Variants in CDKN2B observed in about 807,000 individuals in gnomAD.
CDKN2B encodes the protein cyclin-dependent kinase 4 inhibitor B.
Under a neutral mutation model 7.7 loss-of-function variants are expected in CDKN2B, and 8 were observed. The observed-to-expected ratio is 1.04, with a 90% CI of 0.61 to 1.87. CDKN2B has a LOEUF of 1.87. CDKN2B is among the 40% of genes most tolerant of loss of function. CDKN2B has a pLI of 0.00. For missense variants in CDKN2B, 244 were observed against 213.1 expected, an observed-to-expected ratio of 1.15 and a Z score of -0.90; for synonymous variants, 93 against 95.8, an observed-to-expected ratio of 0.97 and a Z score of 0.17.
In CDKN2B at chr9:22,005,405, A is replaced by G. The variant is rs1821122365; in HGVS notation, c.*582T>C. ...GGCTTCCAGAGAGTGTCGTTTACGC[A>G]TGTGACTTGCCATGCGCTCAAACTA... On this transcript the variant is annotated 3_prime_UTR_variant, in exon 2 of 2. Transcript: ENST00000276925. This position sits in a 1 kb window ranked among gnomAD's most constrained non-coding sequence, Gnocchi z 4.9. 4.1e-6 allele frequency: 1 copy of G among 246,216 alleles called. No homozygotes were observed. Among genetic ancestry groups the G allele is most frequent in the Non-Finnish European group, 7.9e-6 (1 of 125,870 alleles). The allele number at this position is 246,216 out of a possible 1,614,324, so 15.3% of individuals were successfully genotyped here.
At position 22,006,004 on chromosome 9, in the gene CDKN2B, T is replaced by TG; in HGVS notation, c.399dup (p.Thr134HisfsTer29). On this transcript the variant is annotated frameshift_variant, in exon 2 of 2. Transcript: ENST00000276925. LOFTEE classifies it high-confidence loss of function. This position sits in a 1 kb window ranked among gnomAD's most constrained non-coding sequence, Gnocchi z 6.4. ...ACCTGGCGTCAGTCCCCCGTGGCTG[T>TG]GCGCAGGTACCCTGCAACGTCGCGG... 2 of 1,603,102 alleles carry TG rather than the reference T, an allele frequency of 1.2e-6. No individual in the cohort carries two copies. The highest frequency in any genetic ancestry group is 1.7e-6 in the Non-Finnish European group (2 of 1,179,784).
intron 1 of CDKN2B, 75 bp downstream of exon 1, chr9:22,008,723 T>C (rs1259633269): frequency 6.2e-7 from 1 of 1,611,020 alleles, no homozygotes; most frequent in African/African-American, 1.3e-5. Context: ...CGATCTAGGT[T>C]CCAGCCCCGA....
rs777650997 is a variant in CDKN2B at position 22,006,178 on chromosome 9, C to G, written c.226G>C (p.Asp76His). 2 of 1,609,894 alleles carry G rather than the reference C, an allele frequency of 1.2e-6. No individual in the cohort carries two copies. Among genetic ancestry groups the G allele is most frequent in the South Asian group, 2.2e-5 (2 of 91,014 alleles). Reference protein sequence around the residue: ...LLHGAEPNCADPATLTRPVHD... With the variant: ...LLHGAEPNCAHPATLTRPVHD... ...ACCGGTCGGGTGAGAGTGGCAGGGT[C>G]TGCGCAGTTGGGCTCCGCGCCGTGG... Residue 76 changes from aspartate to histidine, a missense_variant, in exon 2 of 2, where the codon GAC becomes CAC. By Grantham distance (81) the Asp-to-His change is moderately conservative. Transcript: ENST00000276925. The surrounding 1 kb of genome is among the most constrained non-coding windows in gnomAD (Gnocchi z 6.4).
intron 1 of CDKN2B, 105 bp downstream of exon 1, chr9:22,008,693 C>G (rs756160608): frequency 3.1e-6 from 5 of 1,611,036 alleles, no homozygotes; most frequent in African/African-American, 1.3e-5. Context: ...AACGGAGACT[C>G]CTGTACAAAT....
Position 22,004,293 on chromosome 9 carries a change from C to T in CDKN2B, c.*1694G>A. 1 of 232,444 alleles carries T rather than the reference C, an allele frequency of 4.3e-6. No individual in the cohort carries two copies. Among genetic ancestry groups the T allele is most frequent in the Non-Finnish European group, 8.5e-6 (1 of 117,594 alleles). The allele number at this position is 232,444 out of a possible 1,614,324, so 14.4% of individuals were successfully genotyped here. ...CTCAAATGTACTCCTTCTTATAAGT[C>T]TCCACTCTCAAATGACTTGTTTCTG... On this transcript the variant is annotated 3_prime_UTR_variant, in exon 2 of 2. Transcript: ENST00000276925.
rs1327646429 is a variant in CDKN2B at position 22,006,843 on chromosome 9, A to G, written c.157-596T>C. Among the ~76,000 whole-genome samples the G allele has an allele frequency of 2.0e-5, 3 of 151,952 alleles. No individual in the cohort carries two copies. The highest frequency in any genetic ancestry group is 4.4e-5 in the Non-Finnish European group (3 of 68,002). ...GTGTCTGAGCTCATAACTGGCTTGT[A>G]GTGTGATAATTTGAGCCAAAGTTGG... On this transcript the variant is annotated intron_variant, in intron 1 of 1. Transcript: ENST00000276925. The surrounding 1 kb of genome is among the most constrained non-coding windows in gnomAD (Gnocchi z 6.4).
In CDKN2B at chr9:22,003,983, T is replaced by G. The variant is rs1207259889; in HGVS notation, c.*2004A>C. The G allele has an allele frequency of 4.3e-6, 1 of 232,852 alleles. No homozygotes were observed. The highest frequency in any genetic ancestry group is 6.1e-5 in the East Asian group (1 of 16,468). 14.4% of individuals were successfully genotyped at this position (232,852 alleles called of 1,614,324 possible). The stretch of plus-strand genomic sequence containing the variant: ...AGACAACCATAATCAGCTGTGGAAC[T>G]AGATGCACTTCTTTGTGCATCCATG... On this transcript the variant is annotated 3_prime_UTR_variant, in exon 2 of 2. Coordinates refer to ENST00000276925, the MANE Select transcript of CDKN2B (RefSeq NM_004936.4).
In CDKN2B at chr9:22,006,308, G is replaced by A; in HGVS notation, c.157-61C>T. Reference sequence around the variant, plus strand: ...GGGGCAGGTATGGGAGATGCCGGCCGGGGCAAGGCAGGTGGAGCCATTTAA... The same window carrying A: ...GGGGCAGGTATGGGAGATGCCGGCCAGGGCAAGGCAGGTGGAGCCATTTAA... On this transcript the variant is annotated intron_variant, in intron 1 of 1. Coordinates refer to ENST00000276925, the MANE Select transcript of CDKN2B (RefSeq NM_004936.4). This position sits in a 1 kb window ranked among gnomAD's most constrained non-coding sequence, Gnocchi z 6.4. The A allele has an allele frequency of 2.5e-6, 4 of 1,595,172 alleles. No homozygotes were observed. Among genetic ancestry groups the A allele is most frequent in the Non-Finnish European group, 3.4e-6 (4 of 1,177,614 alleles).
At chr9:22,008,643 G>T in intron 1 of CDKN2B, 155 bp downstream of exon 1, 1 of 1,597,296 alleles carries the variant, frequency 6.3e-7, no homozygotes, top group Non-Finnish European at 8.5e-7. Flanking sequence ...TTTTTGCTGG[G>T]TAAAAGCCTG....
rs749548001 is a variant in CDKN2B, at chr9:22,003,418, A to C, written c.*2569T>G. ...AGTTATTTAAACCAGAAATGAAGTA[A>C]CATGTTTCATATCTATTTCAAGGGA... is the stretch of plus-strand genomic sequence containing the variant. On this transcript the variant is annotated 3_prime_UTR_variant, in exon 2 of 2. Transcript: ENST00000276925. The C allele has an allele frequency of 4.0e-5, 9 of 226,108 alleles. No homozygotes were observed. Among genetic ancestry groups the C allele is most frequent in the Non-Finnish European group, 7.0e-5 (8 of 113,728 alleles). The allele number at this position is 226,108 out of a possible 1,614,324, so 14.0% of individuals were successfully genotyped here.
Position 22,006,119 on chromosome 9 carries a change from C to A in CDKN2B, c.285G>T (p.Thr95=). 1 of 1,610,854 alleles carries A rather than the reference C, an allele frequency of 6.2e-7. No homozygotes were observed. The highest frequency in any genetic ancestry group is 1.1e-5 in the South Asian group (1 of 91,062). The change falls in exon 2 of 2, where the codon ACG becomes ACT. Residue 95 remains threonine (T), a synonymous_variant. Transcript: ENST00000276925. This position sits in a 1 kb window ranked among gnomAD's most constrained non-coding sequence, Gnocchi z 6.4. ...HDAAREGFLD[T]LVVLHRAGAR... ...CCCCGGCCCGGTGCAGCACCACCAG[C>A]GTGTCCAGGAAGCCCTCCCGGGCAG...
chr9:22,004,480 C>A lies in CDKN2B; in HGVS notation c.*1507G>T, dbSNP rs896944527. ...TATTACAAACATTGAGAGAAGGGAA[C>A]CCCTGTGAACCTTTAACATTTCTCA... On this transcript the variant is annotated 3_prime_UTR_variant, in exon 2 of 2. Transcript: ENST00000276925. 9 of 232,506 alleles carry A rather than the reference C, an allele frequency of 3.9e-5. No individual in the cohort carries two copies. The highest frequency in any genetic ancestry group is 2.0e-4 in the African/African-American group (9 of 45,314). 14.4% of individuals were successfully genotyped at this position (232,506 alleles called of 1,614,324 possible).
rs903663778 is a variant in CDKN2B at position 22,006,935 on chromosome 9, T to G, written c.157-688A>C. ...TAAAATTATAATAAATGATTTTTCC[T>G]TAACAGTTCATCATTTTAAATTTAG... On this transcript the variant is annotated intron_variant, in intron 1 of 1. Coordinates refer to ENST00000276925, the MANE Select transcript of CDKN2B (RefSeq NM_004936.4). This position sits in a 1 kb window ranked among gnomAD's most constrained non-coding sequence, Gnocchi z 6.4. 6.6e-5 allele frequency among the ~76,000 whole-genome samples: 10 copies of G among 152,140 alleles called. No homozygotes were observed. Among genetic ancestry groups the G allele is most frequent in the Admixed American group, 5.9e-4 (9 of 15,284 alleles).
Position 22,009,033 on chromosome 9 carries a change from A to C in CDKN2B, c.-80T>G. ...TAACGACACTCTTCCCTTCTTTCCC[A>C]CGCTGCTCCGGCGCACTCTCTCCTT... is the stretch of plus-strand genomic sequence containing the variant. On this transcript the variant is annotated 5_prime_UTR_variant, in exon 1 of 2. Transcript: ENST00000276925. 2 of 1,587,298 alleles carry C rather than the reference A, an allele frequency of 1.3e-6. No individual in the cohort carries two copies. The highest frequency in any genetic ancestry group is 1.7e-6 in the Non-Finnish European group (2 of 1,157,180).
rs1000479752 is a variant in CDKN2B, at chr9:22,006,429, A to ACC, written c.157-184_157-183dup. Among the ~76,000 whole-genome samples the ACC allele has an allele frequency of 6.6e-6, 1 of 151,962 alleles. No individual in the cohort carries two copies. Among genetic ancestry groups the ACC allele is most frequent in the African/African-American group, 2.4e-5 (1 of 41,348 alleles). ...ATTTGCTGATGCAATCCACTTTCCC[A>ACC]CCCCACCTTCAGGTTATACTCAGTA... is the stretch of plus-strand genomic sequence containing the variant. On this transcript the variant is annotated intron_variant, in intron 1 of 1. Coordinates refer to ENST00000276925, the MANE Select transcript of CDKN2B (RefSeq NM_004936.4). This position sits in a 1 kb window ranked among gnomAD's most constrained non-coding sequence, Gnocchi z 6.4.
chr9:22,007,693 A>G (rs555886990), intron 1 of CDKN2B, among the ~76,000 whole-genome samples: 10 of 152,282 alleles, frequency 6.6e-5, no homozygotes, highest in African/African-American at 2.4e-4. Flanking sequence ...GTGATAAGTT[A>G]TATCTACTAG....
Position 22,008,839 on chromosome 9 carries a change from C to G in CDKN2B, c.115G>C (p.Asp39His). Residue 39 changes from aspartate to histidine, a missense_variant, in exon 1 of 2, where the codon GAT becomes CAT. Asp to His is a moderately conservative substitution (Grantham distance 81). Coordinates refer to ENST00000276925, the MANE Select transcript of CDKN2B (RefSeq NM_004936.4). ...KVRQLLEAGA[D>H]PNGVNRFGRR... ...CCGAAACGGTTGACTCCGTTGGGAT[C>G]CGCGCCGGCTTCCAGGAGCTGTCGC... 5 of 1,609,236 alleles carry G rather than the reference C, an allele frequency of 3.1e-6. No homozygotes were observed. In the South Asian group the frequency reaches 4.4e-5, roughly 14 times the overall value.
At position 22,006,339 on chromosome 9, in the gene CDKN2B, C is replaced by T; in HGVS notation, c.157-92G>A. The T allele has an allele frequency of 6.5e-7, 1 of 1,540,676 alleles. No homozygotes were observed. Among genetic ancestry groups the T allele is most frequent in the African/African-American group, 1.4e-5 (1 of 73,596 alleles). On this transcript the variant is annotated intron_variant, in intron 1 of 1. Coordinates refer to ENST00000276925, the MANE Select transcript of CDKN2B (RefSeq NM_004936.4). This position sits in a 1 kb window ranked among gnomAD's most constrained non-coding sequence, Gnocchi z 6.4. ...AGGCAGGTGGAGCCATTTAAAGAAA[C>T]ACCTAATTGCAAAGTTTTCACCCAG...
At position 22,008,858 on chromosome 9, in the gene CDKN2B, C is replaced by T. The variant is rs1167941285; in HGVS notation, c.96G>A (p.Gln32=). 4.3e-6 allele frequency: 7 copies of T among 1,611,294 alleles called. No homozygotes were observed. The South Asian group carries it at 6.6e-5, about 15-fold the overall frequency. ...AARGLVEKVR[Q]LLEAGADPNG... is the part of the protein sequence containing the mutation. ...TGGGATCCGCGCCGGCTTCCAGGAGCTGTCGCACCTTCTCCACTAGTCCCC... is the reference window on the plus strand; with the variant it reads ...TGGGATCCGCGCCGGCTTCCAGGAGTTGTCGCACCTTCTCCACTAGTCCCC... The change falls in exon 1 of 2, where the codon CAG becomes CAA. Residue 32 remains glutamine (Q), a synonymous_variant. Transcript: ENST00000276925.
Sources: gnomAD v4.1 joint callset for allele counts (sites outside exome capture counted in the v4.1 genomes callset) on GRCh38, gnomAD v4.1.1 for gene constraint, Gnocchi (gnomAD v3.1) non-coding constraint, MANE v1.5 for transcripts, NCBI Gene and HGNC (gene_info 2026-07-23, HGNC 2026-07-21) for gene names.